The following LPP variants were observed in gnomAD, a reference collection of about 807,000 sequenced individuals.
LPP encodes the protein LIM domain containing preferred translocation partner in lipoma.
LPP carries 38 observed loss-of-function variants against 60.4 expected under a neutral mutation model. The observed-to-expected ratio is 0.63, with a 90% CI of 0.49 to 0.83. The LOEUF is 0.83. Ranked by LOEUF, LPP falls within the 40% of genes least tolerant of loss-of-function variation. The pLI is 0.00. For synonymous variants in LPP, 328 were observed against 290.8 expected (o/e 1.13, Z -1.30); for missense variants, 902 against 783.6 (o/e 1.15, Z -1.80).
chr3:188,366,900 A>AT (rs1351616698), intron 3 of LPP, among the ~76,000 whole-genome samples: 7,502 of 144,804 alleles, frequency 0.052, 252 homozygotes, highest in African/African-American at 0.1. Context: ...TAAAGAATTG[A>AT]TTTTTTTTTT....
At chr3:188,242,116 G>T (rs991227730) in intron 2 of LPP, among the ~76,000 whole-genome samples, 1 of 152,222 alleles carries the variant, frequency 6.6e-6, no homozygotes, top group South Asian at 2.1e-4. Flanking sequence ...CCTCAGTTGG[G>T]TAATGTTTAA....
At chr3:188,578,237 C>G (rs2150948981) in intron 6 of LPP, among the ~76,000 whole-genome samples, 1 of 152,240 alleles carries the variant, frequency 6.6e-6, no homozygotes, top group Middle Eastern at 3.4e-3. Flanking sequence ...TCCCTTCCTT[C>G]CTTTCATTCC....
intron 3 of LPP, among the ~76,000 whole-genome samples, chr3:188,392,885 G>A (rs937447241): frequency 1.3e-5 from 2 of 152,064 alleles, no homozygotes; most frequent in African/African-American, 2.4e-5. Context: ...GAAACATTCC[G>A]AAATGTTGAG....
At chr3:188,455,419 A>G (rs1579028798) in intron 4 of LPP, among the ~76,000 whole-genome samples, 1 of 152,232 alleles carries the variant, frequency 6.6e-6, no homozygotes, top group East Asian at 1.9e-4. Context: ...GGTTTTACAC[A>G]TCCCTGATAA....
intron 1 of LPP, among the ~76,000 whole-genome samples, chr3:188,165,486 T>TG (rs1303799368): frequency 1.3e-5 from 2 of 152,130 alleles, no homozygotes; most frequent in African/African-American, 4.8e-5. Flanking sequence ...ATTAGAGTCA[T>TG]GAAGGTGGAC....
rs151212320 is a variant in LPP at position 188,481,582 on chromosome 3, G to A, written c.194-3010G>A. Among the ~76,000 whole-genome samples, 1,511 of 152,282 alleles carry A rather than the reference G, an allele frequency of 9.9e-3. 8 individuals carry two copies. Among genetic ancestry groups the A allele is most frequent in the Middle Eastern group, 0.02 (6 of 294 alleles). Reference sequence around the variant, plus strand: ...CTATTAGAGAAACAGAGTAAAGAAGGATATATTTGGAAGGGACAGACAGTT... The same window carrying A: ...CTATTAGAGAAACAGAGTAAAGAAGAATATATTTGGAAGGGACAGACAGTT... On this transcript the variant is annotated intron_variant, in intron 4 of 11. Coordinates refer to ENST00000617246, the MANE Select transcript of LPP (RefSeq NM_001375462.1).
At chr3:188,695,978 T>G (rs1863153542) in intron 7 of LPP, among the ~76,000 whole-genome samples, 1 of 152,316 alleles carries the variant, frequency 6.6e-6, no homozygotes, top group East Asian at 1.9e-4. Flanking sequence ...ATGGGTATGA[T>G]TTTGGCTAAT....
chr3:188,866,402 C>T (rs1399449481), intron 10 of LPP, 24 bp downstream of exon 10: 1 of 1,415,824 alleles, frequency 7.1e-7, no homozygotes, highest in African/African-American at 1.5e-5. Context: ...TCTCTCGTCA[C>T]CACCCTGCCA....
chr3:188,380,849 T>C (rs974213099), intron 3 of LPP, among the ~76,000 whole-genome samples: 3 of 152,224 alleles, frequency 2.0e-5, no homozygotes, highest in African/African-American at 2.4e-5. Context: ...CTATGCCTTG[T>C]AGAAGACTTG....
At chr3:188,329,682 G>A (rs555109043) in intron 2 of LPP, among the ~76,000 whole-genome samples, 9 of 152,036 alleles carry the variant, frequency 5.9e-5, no homozygotes, top group South Asian at 4.2e-4. Flanking sequence ...CCTACTCTCC[G>A]CTCACCACTA....
intron 4 of LPP, among the ~76,000 whole-genome samples, chr3:188,439,813 G>T (rs1227100294): frequency 2.6e-5 from 4 of 152,188 alleles, no homozygotes; most frequent in African/African-American, 9.7e-5. Flanking sequence ...ATATTACCAA[G>T]TTAACCACAG....
At chr3:188,370,131 T>C (rs1293424398) in intron 3 of LPP, among the ~76,000 whole-genome samples, 1 of 152,132 alleles carries the variant, frequency 6.6e-6, no homozygotes, top group African/African-American at 2.4e-5. Context: ...TTTTACCGTC[T>C]TGGTATGACT....
At chr3:188,289,697 G>T (rs897008874) in intron 2 of LPP, among the ~76,000 whole-genome samples, 1 of 152,168 alleles carries the variant, frequency 6.6e-6, no homozygotes, top group African/African-American at 2.4e-5. Context: ...TACGTAGACA[G>T]ATAGTGCTAA....
At chr3:188,632,253 T>A (rs1346795562) in intron 7 of LPP, among the ~76,000 whole-genome samples, 2 of 152,092 alleles carry the variant, frequency 1.3e-5, no homozygotes, top group Non-Finnish European at 2.9e-5. Context: ...GCATAGAAAG[T>A]AATGGGTAAC....
chr3:188,775,179 A>G (rs1239983948), intron 9 of LPP, among the ~76,000 whole-genome samples: 1 of 151,368 alleles, frequency 6.6e-6, no homozygotes, highest in Non-Finnish European at 1.5e-5. Flanking sequence ...CAGCCTTCTC[A>G]GTAGCTGGGA....
chr3:188,317,448 G>A (rs1755416635), intron 2 of LPP, among the ~76,000 whole-genome samples: 1 of 152,114 alleles, frequency 6.6e-6, no homozygotes, highest in South Asian at 2.1e-4. Flanking sequence ...CCTTGGTAAA[G>A]GTGATTTCCC....
chr3:188,529,805 A>G (rs1038705635), intron 6 of LPP, among the ~76,000 whole-genome samples: 1 of 152,212 alleles, frequency 6.6e-6, no homozygotes, highest in Non-Finnish European at 1.5e-5. Flanking sequence ...CTTTAGAGTG[A>G]TATTTAATCT....
At chr3:188,459,096 A>C (rs1011096242) in intron 4 of LPP, among the ~76,000 whole-genome samples, 2 of 152,168 alleles carry the variant, frequency 1.3e-5, no homozygotes, top group African/African-American at 4.8e-5. Context: ...TTAGTATTCC[A>C]TTTATAGAAG....
chr3:188,529,919 G>A (rs1305687617), intron 6 of LPP, among the ~76,000 whole-genome samples: 6 of 152,174 alleles, frequency 3.9e-5, no homozygotes, highest in African/African-American at 2.4e-5. Context: ...AAATTATTGG[G>A]AGATAAAATA....
Sources: allele counts gnomAD v4.1 joint callset (sites outside exome capture counted in the v4.1 genomes callset), GRCh38; gene constraint gnomAD v4.1.1; transcripts MANE v1.5; gene names NCBI Gene and HGNC (gene_info 2026-07-23, HGNC 2026-07-21).